Variants in TRAPPC9 observed in about 807,000 individuals in gnomAD.
TRAPPC9 encodes trafficking protein particle complex subunit 9, also known as IKK2 binding protein.
Under a neutral mutation model 124.0 loss-of-function variants are expected in TRAPPC9, and 83 were observed. The observed-to-expected ratio is 0.67, with a 90% confidence interval of 0.56 to 0.80. The LOEUF is 0.80. TRAPPC9 is among the 30% of genes least tolerant of loss of function. The pLI is 0.00. For missense variants in TRAPPC9, 1,302 were observed against 1,508.3 expected, an observed-to-expected ratio of 0.86 and a Z score of 2.27; for synonymous variants, 638 against 617.5, an observed-to-expected ratio of 1.03 and a Z score of -0.49.
intron 17 of TRAPPC9, among the ~76,000 whole-genome samples, chr8:140,158,605 T>C (rs557870666): frequency 5.3e-5 from 8 of 152,370 alleles, no homozygotes; most frequent in Non-Finnish European, 1.2e-4. Flanking sequence ...GAACTACATA[T>C]ATGTTTAATA....
intron 7 of TRAPPC9, among the ~76,000 whole-genome samples, chr8:140,379,894 T>A (rs1563985638): frequency 6.6e-6 from 1 of 152,232 alleles, no homozygotes; most frequent in African/African-American, 2.4e-5. Context: ...AATTAAATTC[T>A]AAGTTTTGCC....
intron 17 of TRAPPC9, among the ~76,000 whole-genome samples, chr8:140,088,190 TCTC>T (rs769003814): frequency 1.2e-4 from 19 of 152,072 alleles, no homozygotes; most frequent in Non-Finnish European, 1.8e-4. Flanking sequence ...TACTTTACCC[TCTC>T]CTCATTAGAA....
intron 17 of TRAPPC9, among the ~76,000 whole-genome samples, chr8:140,027,297 C>T (rs1006837586): frequency 6.6e-6 from 1 of 152,204 alleles, no homozygotes; most frequent in African/African-American, 2.4e-5. Flanking sequence ...CTAACATATA[C>T]ACAGCATCTT....
At chr8:140,433,138 C>T (rs974002963) in intron 4 of TRAPPC9, among the ~76,000 whole-genome samples, 3 of 151,116 alleles carry the variant, frequency 2.0e-5, no homozygotes, top group African/African-American at 7.3e-5. Context: ...CTCGTCTCTA[C>T]AAAAATTAGC....
At chr8:140,025,565 C>CAAAAAAAAAAAAAAAAAAAAAA (rs11329773) in intron 17 of TRAPPC9, among the ~76,000 whole-genome samples, 1 of 123,850 alleles carries the variant, frequency 8.1e-6, no homozygotes. Flanking sequence ...AAGCAAAATG[C>CAAAAAAAAAAAAAAAAAAAAAA]AAAAAAAAAA....
At position 140,283,906 on chromosome 8, in the gene TRAPPC9, G is replaced by C. The variant is rs376768296; in HGVS notation, c.2097C>G (p.Ile699Met). The stretch of plus-strand genomic sequence containing the variant: ...CACACTACCTGGGCAGAGAGGTGCT[G>C]ATCTGCAGTCTTGGCAACGCGGGAA... ...EVIPALPRLQISTSLPRSAHS... is the reference protein window; with the variant it reads ...EVIPALPRLQMSTSLPRSAHS... The change falls in exon 14 of 23, where the codon ATC (isoleucine) becomes ATG (methionine). Residue 699 changes from isoleucine to methionine, a missense_variant. By Grantham distance (10) the Ile-to-Met change is conservative. Around this residue, in one of 3 missense-constraint regions of TRAPPC9, gnomAD observed 640 missense variants for 679.3 expected, o/e 0.94. Coordinates refer to ENST00000438773, the MANE Select transcript of TRAPPC9 (RefSeq NM_001160372.4). The C allele has an allele frequency of 3.2e-5, 51 of 1,614,002 alleles. No homozygotes were observed. The highest frequency in any genetic ancestry group is 4.1e-5 in the Non-Finnish European group (48 of 1,180,030).
chr8:140,294,430 G>A (rs989418936), intron 11 of TRAPPC9, among the ~76,000 whole-genome samples: 10 of 152,032 alleles, frequency 6.6e-5, no homozygotes, highest in East Asian at 5.8e-4. Flanking sequence ...AGTGGCTAAC[G>A]TCTGGTAATT....
intron 9 of TRAPPC9, among the ~76,000 whole-genome samples, chr8:140,345,256 G>A (rs1163178254): frequency 6.6e-6 from 1 of 152,228 alleles, no homozygotes; most frequent in African/African-American, 2.4e-5. Context: ...GAGATGGGGT[G>A]GAGGTGCTGA....
chr8:140,192,485 C>T (rs554848741), intron 17 of TRAPPC9, among the ~76,000 whole-genome samples: 46 of 152,284 alleles, frequency 3.0e-4, no homozygotes, highest in African/African-American at 1.0e-3. Flanking sequence ...GTGCCTGGGG[C>T]GTGTTTTCTA....
intron 5 of TRAPPC9, among the ~76,000 whole-genome samples, chr8:140,415,372 G>A (rs908666192): frequency 5.3e-5 from 8 of 151,734 alleles, no homozygotes; most frequent in African/African-American, 1.9e-4. Context: ...AGGCCAACAT[G>A]GTGAAACCCC....
intron 9 of TRAPPC9, among the ~76,000 whole-genome samples, chr8:140,335,009 T>C (rs1047873746): frequency 6.6e-6 from 1 of 151,998 alleles, no homozygotes; most frequent in African/African-American, 2.4e-5. Flanking sequence ...GAAGTATAGG[T>C]TACATGGATA....
chr8:140,369,454 A>T (rs2068216037), intron 8 of TRAPPC9, among the ~76,000 whole-genome samples: 1 of 152,250 alleles, frequency 6.6e-6, no homozygotes, highest in African/African-American at 2.4e-5. Flanking sequence ...CTACCTGTTG[A>T]ATCAATGTAC....
chr8:139,900,048 C>A (rs1029495031), intron 20 of TRAPPC9, among the ~76,000 whole-genome samples: 1 of 152,200 alleles, frequency 6.6e-6, no homozygotes, highest in African/African-American at 2.4e-5. Flanking sequence ...GTCCTCCTCA[C>A]GGTGAAGGTG....
At chr8:140,237,769 C>T (rs1401078338) in intron 16 of TRAPPC9, among the ~76,000 whole-genome samples, 1 of 152,050 alleles carries the variant, frequency 6.6e-6, no homozygotes, top group Admixed American at 6.5e-5. Context: ...AGAAGAGGGG[C>T]ACAGTGAGAT....
chr8:140,064,231 T>C (rs1842785581), intron 17 of TRAPPC9, among the ~76,000 whole-genome samples: 1 of 152,210 alleles, frequency 6.6e-6, no homozygotes, highest in South Asian at 2.1e-4. Flanking sequence ...TAGCATTGTG[T>C]TCATACAATA....
In TRAPPC9 at chr8:140,221,557, G is replaced by C. The variant is rs2063339052; in HGVS notation, c.2458C>G (p.Leu820Val). 17 of 1,614,146 alleles carry C rather than the reference G, an allele frequency of 1.1e-5. No homozygotes were observed. Among genetic ancestry groups the C allele is most frequent in the Non-Finnish European group, 1.2e-5 (14 of 1,180,002 alleles). ...ACGACCTGCCGAAAAGGACTGGACA[G>C]GGGAAAGCCACTCACACTGATTCCA... The part of the protein sequence containing the change: ...DDGISVSGFP[L>V]SSPFRQVVRP... Residue 820 changes from leucine (L) to valine (V), a missense_variant, in exon 17 of 23, where the codon CTG (leucine) becomes GTG (valine). Coordinates refer to ENST00000438773, the MANE Select transcript of TRAPPC9 (RefSeq NM_001160372.4).
chr8:140,108,770 A>G (rs937680715), intron 17 of TRAPPC9, among the ~76,000 whole-genome samples: 1 of 152,226 alleles, frequency 6.6e-6, no homozygotes, highest in Admixed American at 6.5e-5. Flanking sequence ...TTAACTGGCC[A>G]GATGTTCCTC....
chr8:139,816,342 G>C (rs1824833717), intron 21 of TRAPPC9, among the ~76,000 whole-genome samples: 1 of 152,246 alleles, frequency 6.6e-6, no homozygotes, highest in African/African-American at 2.4e-5. Flanking sequence ...GAGGCTTTGG[G>C]GAAAGGAGGA....
At chr8:140,291,907 C>T (rs145347363) in intron 11 of TRAPPC9, among the ~76,000 whole-genome samples, 6 of 152,296 alleles carry the variant, frequency 3.9e-5, no homozygotes, top group African/African-American at 4.8e-5. Context: ...GAATGAAGAA[C>T]GGCCTGAGGA....
Sources: gnomAD v4.1 joint callset for allele counts (sites outside exome capture counted in the v4.1 genomes callset) on GRCh38, gnomAD v4.1.1 for gene constraint, gnomAD v4.1.1 regional missense constraint, MANE v1.5 for transcripts, NCBI Gene and HGNC (gene_info 2026-07-23, HGNC 2026-07-21) for gene names.